ATAD2B: variants seen among roughly 807,000 people sequenced by gnomAD.
ATAD2B encodes ATPase family AAA domain containing 2B.
ATAD2B carries 40 observed loss-of-function variants against 167.6 expected under a neutral mutation model. That is an observed-to-expected ratio of 0.24 (90% CI 0.19 to 0.31). The LOEUF (loss-of-function observed/expected upper bound fraction) is 0.31, where lower values mean the gene tolerates loss of function less well. ATAD2B is among the 10% of genes least tolerant of loss of function. The pLI is 1.00. For missense variants in ATAD2B, 1,242 were observed against 1,757.2 expected, an observed-to-expected ratio of 0.71 and a Z score of 5.24; for synonymous variants, 579 against 596.5, an observed-to-expected ratio of 0.97 and a Z score of 0.43.
chr2:23,920,907 T>C (rs1703816149), intron 1 of ATAD2B, among the ~76,000 whole-genome samples: 1 of 151,946 alleles, frequency 6.6e-6, no homozygotes, highest in African/African-American at 2.4e-5. Flanking sequence ...AACCTAAGTA[T>C]AAAGAAATCC....
intron 18 of ATAD2B, among the ~76,000 whole-genome samples, chr2:23,804,716 A>G (rs780756907): frequency 1.3e-5 from 2 of 152,088 alleles, no homozygotes; most frequent in African/African-American, 4.8e-5. Flanking sequence ...ATAGTTCACT[A>G]CAATGCTTCC....
At chr2:23,831,795 C>A (rs1415256515) in intron 14 of ATAD2B, among the ~76,000 whole-genome samples, 1 of 152,176 alleles carries the variant, frequency 6.6e-6, no homozygotes, top group Admixed American at 6.5e-5. Context: ...CTATTGAGGA[C>A]ATCTCTCAAT....
chr2:23,746,448 T>C (rs1474746741), downstream of ATAD2B, among the ~76,000 whole-genome samples: 1 of 152,194 alleles, frequency 6.6e-6, no homozygotes, highest in African/African-American at 2.4e-5. Context: ...GTGATATAAG[T>C]ATGTTAAATT....
the ATAD2B span, among the ~76,000 whole-genome samples, chr2:23,742,524 A>G: frequency 7.3e-6 from 1 of 136,652 alleles, no homozygotes; most frequent in African/African-American, 2.8e-5. Flanking sequence ...TGGACACAGG[A>G]AGGGGAACAT....
At position 23,884,794 on chromosome 2, in the gene ATAD2B, T is replaced by C; in HGVS notation, c.755A>G (p.His252Arg). The change falls in exon 6 of 28, where the codon CAT (histidine) becomes CGT (arginine). Residue 252 changes from histidine to arginine, a missense_variant. Transcript: ENST00000238789. ...RRNSYGIQNHHEVSTEGEEEE... is the reference protein window; with the variant it reads ...RRNSYGIQNHREVSTEGEEEE... Reference sequence around the variant, plus strand: ...TTCTTCACCCTCAGTAGAAACTTCATGATGATTTTGTATCCCATAACTATT... The same window carrying C: ...TTCTTCACCCTCAGTAGAAACTTCACGATGATTTTGTATCCCATAACTATT... The C allele has an allele frequency of 6.3e-7, 1 of 1,597,282 alleles. No homozygotes were observed. The highest frequency in any genetic ancestry group is 8.5e-7 in the Non-Finnish European group (1 of 1,171,744).
chr2:23,765,461 C>G, intron 23 of ATAD2B, 45 bp downstream of exon 23: 1 of 1,542,590 alleles, frequency 6.5e-7, no homozygotes, highest in Non-Finnish European at 8.8e-7. Flanking sequence ...TTGGCCTGAA[C>G]AGAGCACACT....
intron 6 of ATAD2B, 92 bp from the exon 7 acceptor site, chr2:23,880,847 C>G: frequency 1.3e-6 from 1 of 750,624 alleles, no homozygotes; most frequent in Non-Finnish European, 2.2e-6. Context: ...ACACTTTATC[C>G]ATTACTCTTT....
the ATAD2B span, among the ~76,000 whole-genome samples, chr2:23,694,565 T>TTGAGCA: frequency 6.8e-4 from 103 of 152,354 alleles, no homozygotes; most frequent in African/African-American, 2.4e-3. Flanking sequence ...GCAGTCCTTG[T>TTGAGCA]TGAGCATGAG....
At chr2:23,907,678 C>T (rs1297083416) in intron 1 of ATAD2B, among the ~76,000 whole-genome samples, 1 of 152,242 alleles carries the variant, frequency 6.6e-6, no homozygotes, top group South Asian at 2.1e-4. Context: ...CCCCCATTGC[C>T]AAGTCAATCC....
intron 1 of ATAD2B, among the ~76,000 whole-genome samples, chr2:23,909,439 CATAT>C (rs142022080): frequency 2.7e-5 from 4 of 149,618 alleles, no homozygotes; most frequent in African/African-American, 9.9e-5. Context: ...TACATACATA[CATAT>C]ATATATATAC....
chr2:23,838,450 T>A (rs1021880998), intron 13 of ATAD2B, among the ~76,000 whole-genome samples: 2 of 147,092 alleles, frequency 1.4e-5, no homozygotes, highest in African/African-American at 2.5e-5. Flanking sequence ...AAGTTGTCTT[T>A]AAAAAAAAAA....
At chr2:23,719,627 C>T in the ATAD2B span, among the ~76,000 whole-genome samples, 1 of 152,130 alleles carries the variant, frequency 6.6e-6, no homozygotes, top group Non-Finnish European at 1.5e-5. Context: ...GACACCCTTT[C>T]CCCCATTCTG....
At chr2:23,718,128 G>A in the ATAD2B span, among the ~76,000 whole-genome samples, 5 of 152,108 alleles carry the variant, frequency 3.3e-5, no homozygotes, top group Admixed American at 3.3e-4. Flanking sequence ...TTATTAATGG[G>A]CTCCGAGAAA....
chr2:23,821,600 T>C (rs1445093321), intron 16 of ATAD2B, among the ~76,000 whole-genome samples: 2 of 152,190 alleles, frequency 1.3e-5, no homozygotes, highest in African/African-American at 2.4e-5. Context: ...TAATTTTTAC[T>C]ATATATATTT....
chr2:23,886,402 T>A (rs905007768), intron 4 of ATAD2B, among the ~76,000 whole-genome samples: 15 of 152,142 alleles, frequency 9.9e-5, no homozygotes, highest in Non-Finnish European at 2.2e-4. Flanking sequence ...AAATATATAA[T>A]GCCTCTATGA....
intron 12 of ATAD2B, 47 bp from the exon 13 acceptor site, chr2:23,857,550 T>C: frequency 2.2e-6 from 2 of 924,308 alleles, no homozygotes; most frequent in Non-Finnish European, 3.1e-6. Context: ...GTTTTCATTT[T>C]TAAAATTTAT....
rs115292683 is a variant in ATAD2B, at chr2:23,845,259, G to T, written c.1569-11181C>A. Among the ~76,000 whole-genome samples, 737 of 152,190 alleles carry T rather than the reference G, an allele frequency of 4.8e-3. 3 individuals carry two copies. The highest frequency in any genetic ancestry group is 0.017 in the African/African-American group (698 of 41,538). ...AAATATATGTTCTACACAAACATTT[G>T]CATTGAACGTTCACAGTAATATTCA... is the stretch of plus-strand genomic sequence containing the variant. On this transcript the variant is annotated intron_variant, in intron 13 of 27. Transcript: ENST00000238789.
chr2:23,917,885 C>T (rs569717981), intron 1 of ATAD2B, among the ~76,000 whole-genome samples: 3 of 151,814 alleles, frequency 2.0e-5, no homozygotes, highest in Non-Finnish European at 2.9e-5. Flanking sequence ...ATGGAGAAAC[C>T]CTGTCTCTAC....
At chr2:23,833,243 G>A (rs1689354283) in intron 14 of ATAD2B, among the ~76,000 whole-genome samples, 1 of 152,134 alleles carries the variant, frequency 6.6e-6, no homozygotes, top group East Asian at 1.9e-4. Context: ...ATTTCACATA[G>A]AGGTCCAAAA....
Sources: allele counts gnomAD v4.1 joint callset (sites outside exome capture counted in the v4.1 genomes callset), GRCh38; gene constraint gnomAD v4.1.1; transcripts MANE v1.5; gene names NCBI Gene and HGNC (gene_info 2026-07-23, HGNC 2026-07-21).